The following CROT variants were observed in gnomAD, a reference collection of about 807,000 sequenced individuals.
The protein encoded by CROT is carnitine O-octanoyltransferase, also known as peroxisomal carnitine O-octanoyltransferase.
In CROT, 84 loss-of-function variants were observed where a neutral mutation model predicts 89.2. The ratio of observed to expected loss-of-function variants is 0.94; its 90% confidence interval spans 0.79 to 1.13. CROT has a LOEUF of 1.13. CROT is among the 50% of genes most tolerant of loss of function. CROT has a pLI of 0.00. For missense variants in CROT, 711 were observed against 727.8 expected (o/e 0.98, Z 0.27); for synonymous variants, 212 against 239.5 (o/e 0.89, Z 1.06).
At chr7:87,379,913 C>T (rs1356428761) in intron 10 of CROT, among the ~76,000 whole-genome samples, 10 of 152,044 alleles carry the variant, frequency 6.6e-5, no homozygotes, top group Non-Finnish European at 1.5e-5. Flanking sequence ...CAGTTCAGCA[C>T]CAGCTTGGGC....
At position 87,391,645 on chromosome 7, in the gene CROT, A is replaced by T; in HGVS notation, c.1358A>T (p.Glu453Val). Residue 453 changes from glutamate (E) to valine (V), a missense_variant, in exon 14 of 18, where the codon GAG becomes GTG. Coordinates refer to ENST00000331536, the MANE Select transcript of CROT (RefSeq NM_021151.4). ...MTRHFYHGRT[E>V]TMRSCTVEAV... ...AGACATTTTTATCATGGCCGTACAG[A>T]GACTATGCGATCATGCACAGTTGAA... 4 of 1,611,676 alleles carry T rather than the reference A, an allele frequency of 2.5e-6. No homozygotes were observed. The highest frequency in any genetic ancestry group is 3.4e-6 in the Non-Finnish European group (4 of 1,179,084).
At chr7:87,364,388 G>A (rs1269188973) in intron 6 of CROT, among the ~76,000 whole-genome samples, 1 of 152,166 alleles carries the variant, frequency 6.6e-6, no homozygotes, top group East Asian at 1.9e-4. Context: ...TCTCCCAGAG[G>A]CCAAGAGAAG....
At chr7:87,353,975 A>T (rs1057436198) in intron 3 of CROT, among the ~76,000 whole-genome samples, 4 of 152,250 alleles carry the variant, frequency 2.6e-5, no homozygotes, top group Admixed American at 1.3e-4. Flanking sequence ...AAGATTCTAC[A>T]GTCTTGTAGT....
At chr7:87,376,091 C>A in intron 9 of CROT, 138 bp downstream of exon 9, 1 of 703,072 alleles carries the variant, frequency 1.4e-6, no homozygotes, top group East Asian at 2.9e-5. Flanking sequence ...ATACTTGTGC[C>A]AAATTGAAGC....
intron 3 of CROT, among the ~76,000 whole-genome samples, chr7:87,351,825 C>T (rs1413907157): frequency 6.6e-6 from 1 of 152,170 alleles, no homozygotes; most frequent in Non-Finnish European, 1.5e-5. Flanking sequence ...CTTTCCAAGT[C>T]TTTAATATGA....
rs1165985961 is a variant in CROT, at chr7:87,361,443, A to G, written c.294A>G (p.Gln98=). 1.9e-6 allele frequency: 3 copies of G among 1,614,030 alleles called. No individual in the cohort carries two copies. The highest frequency in any genetic ancestry group is 2.5e-6 in the Non-Finnish European group (3 of 1,179,984). ...ATCTGGATGTTCGTATACCATCACA[A>G]TTGAATGTCAACTTTGCGGGTCCTG... ...VAYLDVRIPS[Q]LNVNFAGPAA... is the part of the protein sequence containing the mutation. The change falls in exon 5 of 18, where the codon CAA becomes CAG. Residue 98 remains glutamine (Q), a synonymous_variant. Coordinates refer to ENST00000331536, the MANE Select transcript of CROT (RefSeq NM_021151.4).
intron 7 of CROT, among the ~76,000 whole-genome samples, chr7:87,374,286 T>C (rs1246570709): frequency 5.9e-5 from 9 of 152,110 alleles, no homozygotes; most frequent in Non-Finnish European, 1.2e-4. Flanking sequence ...TGGGCAGTTA[T>C]GTGACCTTTT....
rs6963910 is a variant in CROT, at chr7:87,357,207, G to A, written c.116-1999G>A. Among the ~76,000 whole-genome samples the A allele has an allele frequency of 7.3e-3, 1,118 of 152,308 alleles. 13 individuals are homozygous for A. Among genetic ancestry groups the A allele is most frequent in the African/African-American group, 0.025 (1,049 of 41,570 alleles). On this transcript the variant is annotated intron_variant, in intron 3 of 17. Transcript: ENST00000331536. ...TAAAGCAAAGGCAACAAGTTGGGAA[G>A]TGATGAGAAGTATAGCTTTCCCATA...
intron 2 of CROT, among the ~76,000 whole-genome samples, chr7:87,348,663 G>A (rs1274846800): frequency 1.3e-5 from 2 of 152,212 alleles, no homozygotes; most frequent in African/African-American, 4.8e-5. Flanking sequence ...CATTAGGTAA[G>A]TTACTAAATT....
intron 4 of CROT, chr7:87,359,889 T>TA: frequency 1.0e-6 from 1 of 985,770 alleles, no homozygotes; most frequent in Non-Finnish European, 1.2e-6. Context: ...TTTCTGTACT[T>TA]CTCTACTATG....
chr7:87,370,406 C>T (rs1391750316), intron 7 of CROT, among the ~76,000 whole-genome samples: 1 of 152,140 alleles, frequency 6.6e-6, no homozygotes, highest in Non-Finnish European at 1.5e-5. Flanking sequence ...TGGTCTTGAA[C>T]TCCTGGCCTT....
At chr7:87,350,986 A>G (rs111283674) in intron 3 of CROT, among the ~76,000 whole-genome samples, 3 of 152,098 alleles carry the variant, frequency 2.0e-5, no homozygotes, top group African/African-American at 7.2e-5. Context: ...AGGGAAGGAT[A>G]GTGGCTGGTG....
intron 3 of CROT, chr7:87,354,348 C>G (rs1805987428): frequency 1.9e-6 from 1 of 516,604 alleles, no homozygotes. Flanking sequence ...TTATGGGAAG[C>G]CCATTTAGAT....
intron 3 of CROT, among the ~76,000 whole-genome samples, chr7:87,357,932 A>G (rs1226865810): frequency 6.6e-6 from 1 of 152,172 alleles, no homozygotes; most frequent in Non-Finnish European, 1.5e-5. Flanking sequence ...CCTTGTAGGT[A>G]TCTGTAGGCT....
At chr7:87,369,628 G>C (rs963949616) in intron 7 of CROT, 144 bp downstream of exon 7, 59 of 356,970 alleles carry the variant, frequency 1.7e-4, no homozygotes, top group African/African-American at 1.2e-3. Context: ...AAATCTATTT[G>C]TATTTTTTAT....
At position 87,369,932 on chromosome 7, in the gene CROT, T is replaced by C. The variant is rs1397226687; in HGVS notation, c.656+448T>C. Among the ~76,000 whole-genome samples, 6 of 144,112 alleles carry C rather than the reference T, an allele frequency of 4.2e-5. No homozygotes were observed. In the East Asian group the frequency reaches 1.2e-3, roughly 28 times the overall value. 94.5% of individuals were successfully genotyped at this position (144,112 alleles called of 152,430 possible). A position where few individuals can be genotyped will look rare whatever the true frequency, so the allele number is the denominator to read the frequency against. On this transcript the variant is annotated intron_variant, in intron 7 of 17. Coordinates refer to ENST00000331536, the MANE Select transcript of CROT (RefSeq NM_021151.4). Reference sequence around the variant, plus strand: ...AAATTTCAAAATGTATAGGGGATTATATAATGATAACTCCCGTGTACCCAT... The same window carrying C: ...AAATTTCAAAATGTATAGGGGATTACATAATGATAACTCCCGTGTACCCAT...
At chr7:87,395,674 G>C (rs1807501235) in intron 17 of CROT, among the ~76,000 whole-genome samples, 1 of 152,138 alleles carries the variant, frequency 6.6e-6, no homozygotes, top group South Asian at 2.1e-4. Flanking sequence ...TTTCTTTGAT[G>C]TTTTGTCACT....
chr7:87,362,360 G>A (rs1214205453), intron 6 of CROT, among the ~76,000 whole-genome samples: 4 of 145,652 alleles, frequency 2.7e-5, no homozygotes, highest in African/African-American at 7.7e-5. Context: ...CCCAGGTTGC[G>A]ACCTCAGCTC....
chr7:87,372,222 A>G (rs991836477), intron 7 of CROT, among the ~76,000 whole-genome samples: 1 of 152,118 alleles, frequency 6.6e-6, no homozygotes, highest in African/African-American at 2.4e-5. Context: ...GCAATTATTT[A>G]TATAGTCTCT....
Sources: allele counts gnomAD v4.1 joint callset (sites outside exome capture counted in the v4.1 genomes callset), GRCh38; gene constraint gnomAD v4.1.1; transcripts MANE v1.5; gene names NCBI Gene and HGNC (gene_info 2026-07-23, HGNC 2026-07-21).